The following ABCC4 variants were observed in gnomAD, a reference collection of about 807,000 sequenced individuals.
ABCC4 encodes the protein ATP-binding cassette sub-family C member 4.
A neutral mutation model predicts 168.5 loss-of-function variants in ABCC4; 102 were observed. The ratio of observed to expected loss-of-function variants is 0.61; its 90% CI spans 0.52 to 0.71. The LOEUF (loss-of-function observed/expected upper bound fraction) is 0.71. Among genes scored for constraint, ABCC4 ranks in the 30% least tolerant of loss-of-function variants. The pLI is 0.00. For synonymous variants in ABCC4, 617 were observed against 590.7 expected, an observed-to-expected ratio of 1.04 and a Z score of -0.65; for missense variants, 1,402 against 1,605.8, an observed-to-expected ratio of 0.87 and a Z score of 2.17.
At chr13:95,110,695 C>T (rs1566427498) in intron 20 of ABCC4, among the ~76,000 whole-genome samples, 1 of 152,034 alleles carries the variant, frequency 6.6e-6, no homozygotes, top group Non-Finnish European at 1.5e-5. Context: ...TGGCCCAGCG[C>T]AGTGCCTCAT....
At chr13:95,108,558 G>A (rs2035086384) in intron 20 of ABCC4, among the ~76,000 whole-genome samples, 1 of 152,056 alleles carries the variant, frequency 6.6e-6, no homozygotes, top group Non-Finnish European at 1.5e-5. Flanking sequence ...CGCCATGTAA[G>A]ACATGCCTTT....
chr13:95,073,341 A>G lies in ABCC4; in HGVS notation c.2918-37T>C, dbSNP rs370539767. ...GGAAGAAGGGAATAAAGTCAGTCTC[A>G]CTTCAAACCTAAGCCTGGCTCCTTC... On this transcript the variant is annotated intron_variant, in intron 23 of 30. Coordinates refer to ENST00000645237, the MANE Select transcript of ABCC4 (RefSeq NM_005845.5). 48 of 1,531,374 alleles carry G rather than the reference A, an allele frequency of 3.1e-5. No homozygotes were observed. The African/African-American group carries it at 6.0e-4, about 19-fold the overall frequency. 94.9% of individuals were successfully genotyped at this position (1,531,374 alleles called of 1,614,324 possible). A position where few individuals can be genotyped will look rare whatever the true frequency, so the allele number is the denominator to read the frequency against.
Position 95,206,742 on chromosome 13 carries a change from T to C in ABCC4, c.951A>G (p.Arg317=), listed in dbSNP as rs2274406. 0.63 allele frequency: 1,021,713 copies of C among 1,613,596 alleles called. 328,042 individuals are homozygous for C. Among genetic ancestry groups the C allele is most frequent in the Non-Finnish European group, 0.66 (780,300 of 1,179,668 alleles). ...ISKILRSSCL[R]GMNLASFFSA... ...TGAAAAATGAAGCCAAATTCATCCCTCTGAGGCAGGAACTTCTCAGAATCT... is the reference window on the plus strand; with the variant it reads ...TGAAAAATGAAGCCAAATTCATCCCCCTGAGGCAGGAACTTCTCAGAATCT... The change falls in exon 8 of 31, where the codon AGA becomes AGG. Residue 317 remains arginine, a synonymous_variant. Transcript: ENST00000645237.
chr13:95,088,676 C>T (rs1457388151), intron 20 of ABCC4, among the ~76,000 whole-genome samples: 3 of 151,646 alleles, frequency 2.0e-5, no homozygotes, highest in Non-Finnish European at 2.9e-5. Flanking sequence ...AAAATGAAAA[C>T]CTAATAATAT....
At chr13:95,154,108 T>C (rs1006612693) in intron 19 of ABCC4, among the ~76,000 whole-genome samples, 3 of 152,248 alleles carry the variant, frequency 2.0e-5, no homozygotes, top group East Asian at 1.9e-4. Context: ...TTGAGAATCA[T>C]TATGATTGAT....
intron 1 of ABCC4, among the ~76,000 whole-genome samples, chr13:95,263,901 T>G (rs1445463996): frequency 2.0e-5 from 3 of 152,230 alleles, no homozygotes; most frequent in Middle Eastern, 3.2e-3. Flanking sequence ...ATGTAACTTT[T>G]CTTTTTAATG....
chr13:95,043,743 T>C lies in ABCC4; in HGVS notation c.3674A>G (p.His1225Arg). The change falls in exon 29 of 31, where the codon CAC (histidine) becomes CGC (arginine). Residue 1225 changes from histidine to arginine, a missense_variant. By Grantham distance (29) the His-to-Arg change is conservative. Coordinates refer to ENST00000645237, the MANE Select transcript of ABCC4 (RefSeq NM_005845.5). ...GTGTGCAATGGTTAGCACGGTGCAG[T>C]GGGCAAATTTCTCCCGGATTTTTTT... ...IQKKIREKFA[H>R]CTVLTIAHRL... 1 of 1,613,998 alleles carries C rather than the reference T, an allele frequency of 6.2e-7. No individual in the cohort carries two copies. Among genetic ancestry groups the C allele is most frequent in the Non-Finnish European group, 8.5e-7 (1 of 1,179,952 alleles).
intron 25 of ABCC4, among the ~76,000 whole-genome samples, chr13:95,066,626 T>C (rs1035660129): frequency 5.9e-5 from 9 of 152,240 alleles, no homozygotes; most frequent in African/African-American, 2.2e-4. Flanking sequence ...CTCTAATGGC[T>C]AGGCCCTATC....
chr13:95,221,762 GA>G (rs1043472139), intron 4 of ABCC4, among the ~76,000 whole-genome samples: 2 of 150,652 alleles, frequency 1.3e-5, no homozygotes, highest in Admixed American at 1.3e-4. Context: ...GGAAAAAACA[GA>G]AAAAAAACTA....
Position 95,194,826 on chromosome 13 carries a change from G to A in ABCC4, c.1263+10C>T. 1 of 1,606,594 alleles carries A rather than the reference G, an allele frequency of 6.2e-7. No individual in the cohort carries two copies. The highest frequency in any genetic ancestry group is 8.5e-7 in the Non-Finnish European group (1 of 1,173,728). On this transcript the variant is annotated intron_variant, in intron 9 of 30. Coordinates refer to ENST00000645237, the MANE Select transcript of ABCC4 (RefSeq NM_005845.5). ...TCAGCAGTCATGATCTTGCATTAAG[G>A]ATATGTTACCTTATCCCAAAAAGCA...
At chr13:95,225,319 A>T (rs2039433139) in intron 4 of ABCC4, among the ~76,000 whole-genome samples, 1 of 152,224 alleles carries the variant, frequency 6.6e-6, no homozygotes, top group Admixed American at 6.5e-5. Context: ...CAAAGCAAAA[A>T]TACAAAAATC....
At chr13:95,115,809 A>T (rs1027191531) in intron 20 of ABCC4, 113 bp downstream of exon 20, 1 of 816,840 alleles carries the variant, frequency 1.2e-6, no homozygotes, top group Non-Finnish European at 2.0e-6. Flanking sequence ...TTATTAAGTT[A>T]ACATTACACA....
chr13:95,299,375 G>A (rs954658531), intron 1 of ABCC4, among the ~76,000 whole-genome samples: 3 of 150,756 alleles, frequency 2.0e-5, no homozygotes, highest in African/African-American at 7.3e-5. Flanking sequence ...CCTCCTCCAC[G>A]TGCCCCTCTC....
At chr13:95,076,180 G>A (rs2139317586) in intron 21 of ABCC4, among the ~76,000 whole-genome samples, 1 of 152,294 alleles carries the variant, frequency 6.6e-6, no homozygotes, top group South Asian at 2.1e-4. Context: ...GGACCTGGGT[G>A]CTGCAATGCC....
At chr13:95,218,881 A>G (rs2039201724) in intron 4 of ABCC4, among the ~76,000 whole-genome samples, 1 of 123,346 alleles carries the variant, frequency 8.1e-6, no homozygotes, top group Non-Finnish European at 1.7e-5. Context: ...AAAAGAAAAG[A>G]GACAGACAGA....
rs2892716 is a variant in ABCC4 at position 95,247,389 on chromosome 13, C to T, written c.185+254G>A. On this transcript the variant is annotated intron_variant, in intron 2 of 30. Coordinates refer to ENST00000645237, the MANE Select transcript of ABCC4 (RefSeq NM_005845.5). ...ACAACCTCCTCCAACCACAACACTT[C>T]CACCTAGAGGGACAGACCTCAGGCA... Among the ~76,000 whole-genome samples, 57,086 of 151,962 alleles carry T rather than the reference C, an allele frequency of 0.38. 10,890 individuals are homozygous for T. Among genetic ancestry groups the T allele is most frequent in the African/African-American group, 0.38 (15,813 of 41,434 alleles).
At chr13:95,263,065 T>G (rs2040576201) in intron 1 of ABCC4, among the ~76,000 whole-genome samples, 1 of 152,178 alleles carries the variant, frequency 6.6e-6, no homozygotes, top group African/African-American at 2.4e-5. Flanking sequence ...GCCCCAAGCA[T>G]CATGCTCAAG....
intron 30 of ABCC4, among the ~76,000 whole-genome samples, chr13:95,028,903 C>G (rs924338628): frequency 6.6e-6 from 1 of 152,132 alleles, no homozygotes; most frequent in South Asian, 2.1e-4. Context: ...TGGTGGCTCA[C>G]GCCTGTAATC....
At chr13:95,045,512 A>G (rs1194655793) in intron 27 of ABCC4, among the ~76,000 whole-genome samples, 1 of 152,184 alleles carries the variant, frequency 6.6e-6, no homozygotes, top group Non-Finnish European at 1.5e-5. Flanking sequence ...AATGTTTTGC[A>G]GTGAATGAAA....
Sources: allele counts gnomAD v4.1 joint callset (sites outside exome capture counted in the v4.1 genomes callset), GRCh38; gene constraint gnomAD v4.1.1; transcripts MANE v1.5; gene names NCBI Gene and HGNC (gene_info 2026-07-23, HGNC 2026-07-21).